The following STRBP variants were observed in gnomAD, a reference collection of about 807,000 sequenced individuals.
The protein encoded by STRBP is spermatid perinuclear RNA binding protein, also known as spermatid perinuclear RNA-binding protein.
Under a neutral mutation model 80.1 loss-of-function variants are expected in STRBP, and 13 were observed. The observed-to-expected ratio is 0.16, with a 90% CI of 0.11 to 0.26. The LOEUF (loss-of-function observed/expected upper bound fraction) is 0.26, where lower values mean the gene tolerates loss of function less well. Ranked by LOEUF, STRBP falls within the 10% of genes least tolerant of loss-of-function variation. The pLI is 1.00. For synonymous variants in STRBP, 284 were observed against 291.2 expected (o/e 0.98, Z 0.25); for missense variants, 485 against 815.2 (o/e 0.59, Z 4.93).
intron 2 of STRBP, among the ~76,000 whole-genome samples, chr9:123,230,104 G>A (rs1206125341): frequency 6.6e-6 from 1 of 152,158 alleles, no homozygotes; most frequent in Non-Finnish European, 1.5e-5. Context: ...TAAGCTGAGT[G>A]AGGAAGGGAA....
chr9:123,158,488 AAAAC>A lies in STRBP; in HGVS notation c.836-63_836-60del. On this transcript the variant is annotated intron_variant, in intron 9 of 18. Transcript: ENST00000348403. ...AACTGAGTTTAGAATTCGGTAAACT[AAAAC>A]AAAAGAGAGATGGCTGGGGAGAATG... is the stretch of plus-strand genomic sequence containing the variant. The A allele has an allele frequency of 2.8e-6, 4 of 1,454,006 alleles. No individual in the cohort carries two copies. In the South Asian group the frequency reaches 4.7e-5, roughly 17 times the overall value. 90.1% of individuals were successfully genotyped at this position (1,454,006 alleles called of 1,614,324 possible).
intron 2 of STRBP, among the ~76,000 whole-genome samples, chr9:123,235,290 TAG>T (rs1330918684): frequency 6.6e-6 from 1 of 151,260 alleles, no homozygotes; most frequent in African/African-American, 2.4e-5. Flanking sequence ...TTTTTTAATT[TAG>T]GTTTTTTTTT....
intron 2 of STRBP, among the ~76,000 whole-genome samples, chr9:123,215,862 C>G (rs1047713889): frequency 6.6e-6 from 1 of 152,312 alleles, no homozygotes; most frequent in East Asian, 1.9e-4. Context: ...AGGCCCTCAG[C>G]TTCCAAGTTC....
At chr9:123,226,170 C>T (rs998856057) in intron 2 of STRBP, among the ~76,000 whole-genome samples, 1 of 152,064 alleles carries the variant, frequency 6.6e-6, no homozygotes, top group African/African-American at 2.4e-5. Context: ...AGAGGTTTGA[C>T]TAAAAATGAG....
chr9:123,222,364 C>A (rs1399222723), intron 2 of STRBP, among the ~76,000 whole-genome samples: 1 of 152,032 alleles, frequency 6.6e-6, no homozygotes, highest in African/African-American at 2.4e-5. Flanking sequence ...TGGTCCCACA[C>A]CTGGAATCAG....
rs543803611 is a variant in STRBP at position 123,251,564 on chromosome 9, A to C, written c.-301-14598T>G. On this transcript the variant is annotated intron_variant, in intron 1 of 18. Coordinates refer to ENST00000348403, the MANE Select transcript of STRBP (RefSeq NM_018387.5). ...TACTTTCTATGTCCCTGAGTGAGTCACAACTTCTCTCAGCCAGCTTTTTCA... is the reference window on the plus strand; with the variant it reads ...TACTTTCTATGTCCCTGAGTGAGTCCCAACTTCTCTCAGCCAGCTTTTTCA... Among the ~76,000 whole-genome samples, 7 of 152,314 alleles carry C rather than the reference A, an allele frequency of 4.6e-5. No individual in the cohort carries two copies. The South Asian group carries it at 1.5e-3, about 32-fold the overall frequency.
At chr9:123,109,885 A>G (rs2035535994) in intron 3 of STRBP, 1 of 152,256 alleles carries the variant, frequency 6.6e-6, no homozygotes, top group African/African-American at 2.4e-5. Context: ...TGCACTGCAA[A>G]TTATACTATT....
intron 2 of STRBP, among the ~76,000 whole-genome samples, chr9:123,207,250 A>C (rs1218816371): frequency 6.6e-6 from 1 of 152,206 alleles, no homozygotes; most frequent in African/African-American, 2.4e-5. Flanking sequence ...TTACTGTAGC[A>C]CTGATTTTGT....
intron 2 of STRBP, among the ~76,000 whole-genome samples, chr9:123,221,814 T>A (rs1293677821): frequency 1.3e-5 from 2 of 152,226 alleles, no homozygotes; most frequent in Non-Finnish European, 2.9e-5. Flanking sequence ...CTCCTTGATC[T>A]TAAGTTTTAG....
intron 1 of STRBP, among the ~76,000 whole-genome samples, chr9:123,251,597 G>A (rs1001266181): frequency 3.9e-5 from 6 of 152,266 alleles, no homozygotes; most frequent in African/African-American, 1.2e-4. Context: ...TCATGTACAA[G>A]ATAAGAGGGT....
downstream of STRBP, among the ~76,000 whole-genome samples, chr9:123,119,319 T>C (rs1326073010): frequency 2.0e-5 from 3 of 151,924 alleles, no homozygotes; most frequent in African/African-American, 7.2e-5. Flanking sequence ...GGTTGGACAC[T>C]TGGACTCAGC....
intron 1 of STRBP, among the ~76,000 whole-genome samples, chr9:123,249,296 T>A (rs764540272): frequency 6.6e-6 from 1 of 152,168 alleles, no homozygotes; most frequent in Non-Finnish European, 1.5e-5. Context: ...GGAGGATCAC[T>A]TGAGCCCAGG....
At chr9:123,195,953 T>A (rs566699458) in intron 2 of STRBP, among the ~76,000 whole-genome samples, 2 of 152,260 alleles carry the variant, frequency 1.3e-5, no homozygotes, top group Non-Finnish European at 2.9e-5. Context: ...TCAAATTATA[T>A]GACAGAGCTG....
In STRBP at chr9:123,124,795, G is replaced by A; in HGVS notation, c.*802C>T. ...CATTCTCCTTCCCCATCTCTGGGTA[G>A]TGCCATCATTTTAATAAGCAATGCT... On this transcript the variant is annotated 3_prime_UTR_variant, in exon 19 of 19. Transcript: ENST00000348403. 1 of 985,372 alleles carries A rather than the reference G, an allele frequency of 1.0e-6. No individual in the cohort carries two copies. The highest frequency in any genetic ancestry group is 1.2e-6 in the Non-Finnish European group (1 of 829,922). The allele number at this position is 985,372 out of a possible 1,614,324, so 61.0% of individuals were successfully genotyped here.
At position 123,147,851 on chromosome 9, in the gene STRBP, T is replaced by C. The variant is rs552919342; in HGVS notation, c.1065A>G (p.Leu355=). Residue 355 remains leucine (L), a synonymous_variant, in exon 12 of 19, where the codon CTA becomes CTG. Coordinates refer to ENST00000348403, the MANE Select transcript of STRBP (RefSeq NM_018387.5). ...TDKEGAGSSA[L]KRPFEDGLGD... is the part of the protein sequence containing the mutation. ...CTAATCCATCTTCAAATGGCCTCTTTAGAGCTGAAGACCCAGCACCTAAAA... is the reference window on the plus strand; with the variant it reads ...CTAATCCATCTTCAAATGGCCTCTTCAGAGCTGAAGACCCAGCACCTAAAA... The C allele has an allele frequency of 1.4e-5, 23 of 1,612,650 alleles. No homozygotes were observed. In the South Asian group the frequency reaches 1.9e-4, roughly 13 times the overall value.
chr9:123,122,185 G>C lies in STRBP; in HGVS notation c.*3412C>G. On this transcript the variant is annotated 3_prime_UTR_variant, in exon 19 of 19. Transcript: ENST00000348403. ...TTTTCTCTTTAATCAGAAAATAAAA[G>C]AGCTTACCTTTGTATACTGAGATCA... 2.0e-6 allele frequency: 1 copy of C among 491,568 alleles called. No individual in the cohort carries two copies. Among genetic ancestry groups the C allele is most frequent in the Non-Finnish European group, 3.1e-6 (1 of 320,146 alleles). The allele number at this position is 491,568 out of a possible 1,614,324, so 30.5% of individuals were successfully genotyped here.
chr9:123,262,487 T>C (rs545136338), intron 1 of STRBP, among the ~76,000 whole-genome samples: 54 of 152,330 alleles, frequency 3.5e-4, no homozygotes, highest in African/African-American at 1.1e-3. Flanking sequence ...GACCCAGAAA[T>C]GCCTCAGAAT....
At chr9:123,169,490 A>G (rs2037917455) in intron 6 of STRBP, among the ~76,000 whole-genome samples, 1 of 152,136 alleles carries the variant, frequency 6.6e-6, no homozygotes, top group African/African-American at 2.4e-5. Flanking sequence ...GTAATTTTGG[A>G]GCAATGAGTA....
At chr9:123,200,717 C>G (rs1218019101) in intron 2 of STRBP, among the ~76,000 whole-genome samples, 1 of 143,664 alleles carries the variant, frequency 7.0e-6, no homozygotes, top group Non-Finnish European at 1.5e-5. Flanking sequence ...ACAGGCGCCC[C>G]GCCACACACC....
Sources: allele counts gnomAD v4.1 joint callset (sites outside exome capture counted in the v4.1 genomes callset), GRCh38; gene constraint gnomAD v4.1.1; transcripts MANE v1.5; gene names NCBI Gene and HGNC (gene_info 2026-07-23, HGNC 2026-07-21).